Variants in STAM observed in about 807,000 individuals in gnomAD.
STAM encodes signal transducing adapter molecule 1.
A neutral mutation model predicts 63.4 loss-of-function variants in STAM; 16 were observed. The ratio of observed to expected loss-of-function variants is 0.25; its 90% CI spans 0.17 to 0.38. The LOEUF (loss-of-function observed/expected upper bound fraction) is 0.38, where lower values mean the gene tolerates loss of function less well. Ranked by LOEUF, STAM falls within the 10% of genes least tolerant of loss-of-function variation. The probability of loss-of-function intolerance (pLI) is 1.00; values close to 1 mark genes in which losing one functional copy is unlikely to be tolerated. For missense variants in STAM, 636 were observed against 657.1 expected (o/e 0.97, Z 0.35); for synonymous variants, 238 against 223.9 (o/e 1.06, Z -0.56).
At chr10:17,652,712 T>A (rs1833788454) in intron 1 of STAM, among the ~76,000 whole-genome samples, 1 of 152,128 alleles carries the variant, frequency 6.6e-6, no homozygotes, top group African/African-American at 2.4e-5. Context: ...GAATTAATTA[T>A]TAAAATGCAC....
In STAM at chr10:17,644,151, C is replaced by T. The variant is rs997531304; in HGVS notation, c.-189C>T. On this transcript the variant is annotated 5_prime_UTR_variant, in exon 1 of 14. Coordinates refer to ENST00000377524, the MANE Select transcript of STAM (RefSeq NM_003473.4). ...GCTCCGCGCGGGGGCTTCCTCGGCT[C>T]CTTGCTGTTGCCGCCGCCGCAGCTG... 1 of 635,530 alleles carries T rather than the reference C, an allele frequency of 1.6e-6. No homozygotes were observed. The highest frequency in any genetic ancestry group is 2.8e-6 in the Non-Finnish European group (1 of 356,892). The allele number at this position is 635,530 out of a possible 1,614,324, so 39.4% of individuals were successfully genotyped here.
At position 17,663,275 on chromosome 10, in the gene STAM, T is replaced by C. The variant is rs1589038681; in HGVS notation, c.125+2727T>C. On this transcript the variant is annotated intron_variant, in intron 2 of 13. Coordinates refer to ENST00000377524, the MANE Select transcript of STAM (RefSeq NM_003473.4). Reference sequence around the variant, plus strand: ...TTCATATTTGAAATTTACTAATTTATAGCTTTAAAAATATTTTTTGTCTTT... The same window carrying C: ...TTCATATTTGAAATTTACTAATTTACAGCTTTAAAAATATTTTTTGTCTTT... Among the ~76,000 whole-genome samples the C allele has an allele frequency of 1.0e-4, 15 of 150,678 alleles. No individual in the cohort carries two copies. The South Asian group carries it at 3.1e-3, about 31-fold the overall frequency.
At chr10:17,693,756 T>C (rs943766110) in intron 6 of STAM, among the ~76,000 whole-genome samples, 2 of 152,212 alleles carry the variant, frequency 1.3e-5, no homozygotes, top group Non-Finnish European at 2.9e-5. Context: ...TTTTTTTTAC[T>C]AAAATTAAGC....
intron 13 of STAM, among the ~76,000 whole-genome samples, chr10:17,710,894 A>G (rs1449507982): frequency 6.6e-6 from 1 of 152,212 alleles, no homozygotes; most frequent in Non-Finnish European, 1.5e-5. Flanking sequence ...AAATATCTAT[A>G]TATAAAGGTA....
At position 17,644,349 on chromosome 10, in the gene STAM, T is replaced by G. The variant is rs782366785; in HGVS notation, c.10T>G (p.Phe4Val). The G allele has an allele frequency of 1.9e-6, 3 of 1,614,014 alleles. 1 individual carries two copies. In the South Asian group the frequency reaches 3.3e-5, roughly 18 times the overall value. ...TCGGCACGCAGCGGAGATGCCTCTT[T>G]TTGCCACCAATCCCTTCGATCAGGA... is the stretch of plus-strand genomic sequence containing the variant. MPL[F>V]ATNPFDQDVE... The change falls in exon 1 of 14, where the codon TTT (phenylalanine) becomes GTT (valine). Residue 4 changes from phenylalanine (F) to valine (V), a missense_variant. By Grantham distance (50) the Phe-to-Val change is conservative (BLOSUM62 -1). Coordinates refer to ENST00000377524, the MANE Select transcript of STAM (RefSeq NM_003473.4).
rs990778360 is a variant in STAM at position 17,697,752 on chromosome 10, A to G, written c.823+883A>G. On this transcript the variant is annotated intron_variant, in intron 8 of 13. Coordinates refer to ENST00000377524, the MANE Select transcript of STAM (RefSeq NM_003473.4). Reference sequence around the variant, plus strand: ...AAAACAGAAAAATATGTTCAAATCTAGAAAGATTTGTATTTGTAATAAAAT... The same window carrying G: ...AAAACAGAAAAATATGTTCAAATCTGGAAAGATTTGTATTTGTAATAAAAT... Among the ~76,000 whole-genome samples the G allele has an allele frequency of 4.6e-5, 7 of 152,236 alleles. No individual in the cohort carries two copies. The South Asian group carries it at 6.2e-4, about 13-fold the overall frequency.
chr10:17,650,413 TTC>T (rs2131558178), intron 1 of STAM, among the ~76,000 whole-genome samples: 1 of 152,360 alleles, frequency 6.6e-6, no homozygotes, highest in East Asian at 1.9e-4. Flanking sequence ...ATATCTCAAG[TTC>T]AGCATGTTCA....
chr10:17,651,262 C>G (rs1212874599), intron 1 of STAM, among the ~76,000 whole-genome samples: 2 of 151,808 alleles, frequency 1.3e-5, no homozygotes, highest in African/African-American at 4.8e-5. Context: ...GGTGTGGATC[C>G]TCTGGCTTGA....
chr10:17,704,573 G>C (rs1554828978), intron 10 of STAM, 55 bp downstream of exon 10: 17 of 1,400,986 alleles, frequency 1.2e-5, no homozygotes, highest in Middle Eastern at 1.8e-4. Context: ...TTAATAACTG[G>C]TGTCCTGTTA....
In STAM at chr10:17,716,356, T is replaced by G. The variant is rs1836815254; in HGVS notation, c.*1576T>G. Among the ~76,000 whole-genome samples the G allele has an allele frequency of 6.6e-6, 1 of 151,820 alleles. No homozygotes were observed. Among genetic ancestry groups the G allele is most frequent in the Non-Finnish European group, 1.5e-5 (1 of 67,930 alleles). ...GACTCAGATTTAAAGCACCGTAGTTTTAAATCTGAGCCTGTGAAATTAGTC... is the reference window on the plus strand; with the variant it reads ...GACTCAGATTTAAAGCACCGTAGTTGTAAATCTGAGCCTGTGAAATTAGTC... On this transcript the variant is annotated 3_prime_UTR_variant, in exon 14 of 14. Transcript: ENST00000377524.
intron 2 of STAM, among the ~76,000 whole-genome samples, chr10:17,668,229 C>T (rs1385144396): frequency 1.3e-5 from 2 of 152,058 alleles, no homozygotes; most frequent in Non-Finnish European, 2.9e-5. Context: ...TAAACTGCAA[C>T]ATGAGGGGAC....
chr10:17,653,471 T>C (rs12247311), intron 1 of STAM, among the ~76,000 whole-genome samples: 17,230 of 152,158 alleles, frequency 0.11, 1,057 homozygotes, highest in Middle Eastern at 0.16. Context: ...CACTGATGTA[T>C]TTGGAGGGTG....
chr10:17,704,815 A>G (rs1836181153), intron 10 of STAM, among the ~76,000 whole-genome samples, 155 bp from the exon 11 acceptor site: 1 of 152,234 alleles, frequency 6.6e-6, no homozygotes, highest in Non-Finnish European at 1.5e-5. Flanking sequence ...CTTTAAGAAA[A>G]TCAATTTTGG....
rs1833419417 is a variant in STAM, at chr10:17,644,157, T to TGTTGCC, written c.-181_-176dup. ...CGCGGGGGCTTCCTCGGCTCCTTGC[T>TGTTGCC]GTTGCCGCCGCCGCAGCTGCTGCCG... On this transcript the variant is annotated 5_prime_UTR_variant, in exon 1 of 14. Transcript: ENST00000377524. The TGTTGCC allele has an allele frequency of 3.6e-5, 23 of 644,392 alleles. No homozygotes were observed. Among genetic ancestry groups the TGTTGCC allele is most frequent in the Middle Eastern group, 3.3e-4 (1 of 2,986 alleles). 39.9% of individuals were successfully genotyped at this position (644,392 alleles called of 1,614,324 possible). A position where few individuals can be genotyped will look rare whatever the true frequency, so the allele number is the denominator to read the frequency against.
chr10:17,658,462 T>G (rs542892773), intron 1 of STAM, among the ~76,000 whole-genome samples: 73 of 152,312 alleles, frequency 4.8e-4, no homozygotes, highest in African/African-American at 1.7e-3. Context: ...TACAGTTGAT[T>G]GATGGTGTTG....
At chr10:17,657,964 A>G (rs1834008975) in intron 1 of STAM, among the ~76,000 whole-genome samples, 1 of 150,114 alleles carries the variant, frequency 6.7e-6, no homozygotes, top group African/African-American at 2.5e-5. Flanking sequence ...GTTCAGATTC[A>G]TTGGTTTCTG....
At position 17,673,398 on chromosome 10, in the gene STAM, G is replaced by A. The variant is rs80316791; in HGVS notation, c.126-11277G>A. On this transcript the variant is annotated intron_variant, in intron 2 of 13. Transcript: ENST00000377524. The stretch of plus-strand genomic sequence containing the variant: ...ACAATAGTGAAAAGCAGTATTTTTC[G>A]TGTTTTGCTCAGTGACTTTTTTTTG... Among the ~76,000 whole-genome samples, 749 of 152,248 alleles carry A rather than the reference G, an allele frequency of 4.9e-3. 3 individuals are homozygous for A. Among genetic ancestry groups the A allele is most frequent in the African/African-American group, 0.017 (716 of 41,540 alleles).
At chr10:17,696,432 A>T (rs1168948048) in intron 7 of STAM, among the ~76,000 whole-genome samples, 1 of 152,122 alleles carries the variant, frequency 6.6e-6, no homozygotes, top group Non-Finnish European at 1.5e-5. Flanking sequence ...TGAAAATAAG[A>T]GCCTGTCTTT....
intron 2 of STAM, among the ~76,000 whole-genome samples, chr10:17,670,561 A>C (rs1389449613): frequency 6.6e-6 from 1 of 152,130 alleles, no homozygotes; most frequent in Non-Finnish European, 1.5e-5. Context: ...GTTATGTTAC[A>C]TTGTGTTTTG....
Sources: allele counts gnomAD v4.1 joint callset (sites outside exome capture counted in the v4.1 genomes callset), GRCh38; gene constraint gnomAD v4.1.1; transcripts MANE v1.5; gene names NCBI Gene and HGNC (gene_info 2026-07-23, HGNC 2026-07-21).